LAMA1: variants seen among roughly 807,000 people sequenced by gnomAD.
The protein encoded by LAMA1 is laminin subunit alpha-1.
LAMA1 carries 219 observed loss-of-function variants against 348.7 expected under a neutral mutation model. The ratio of observed to expected loss-of-function variants is 0.63; its 90% CI spans 0.56 to 0.70. The LOEUF (loss-of-function observed/expected upper bound fraction) is 0.70, where lower values mean the gene tolerates loss of function less well. Ranked by LOEUF, LAMA1 falls within the 30% of genes least tolerant of loss-of-function variation. LAMA1 has a pLI of 0.00. For missense variants in LAMA1, 3,744 were observed against 3,888.0 expected, an observed-to-expected ratio of 0.96 and a Z score of 0.99; for synonymous variants, 1,487 against 1,491.0, an observed-to-expected ratio of 1.00 and a Z score of 0.06.
Position 7,034,541 on chromosome 18 carries a change from A to G in LAMA1, c.1989T>C (p.Leu663=), listed in dbSNP as rs2057985765. ...QIDRDQLMTV[L]ANVTHLLIRA... ...TGATCAAAAGATGTGTCACATTGGC[A>G]AGGACAGTCATCAGCTGGTCACGAT... Residue 663 remains leucine, a synonymous_variant, in exon 14 of 63, where the codon CTT becomes CTC. Coordinates refer to ENST00000389658, the MANE Select transcript of LAMA1 (RefSeq NM_005559.4). 1 of 1,614,154 alleles carries G rather than the reference A, an allele frequency of 6.2e-7. No homozygotes were observed. Among genetic ancestry groups the G allele is most frequent in the Non-Finnish European group, 8.5e-7 (1 of 1,180,034 alleles).
intron 30 of LAMA1, among the ~76,000 whole-genome samples, chr18:7,001,134 G>T (rs2057805825): frequency 6.6e-6 from 1 of 151,852 alleles, no homozygotes; most frequent in Non-Finnish European, 1.5e-5. Context: ...AATAGACGTG[G>T]ATATGAATTT....
chr18:7,015,797 G>T lies in LAMA1; in HGVS notation c.3051C>A (p.Pro1017=), dbSNP rs377710246. 1 of 1,614,092 alleles carries T rather than the reference G, an allele frequency of 6.2e-7. No individual in the cohort carries two copies. Among genetic ancestry groups the T allele is most frequent in the Non-Finnish European group, 8.5e-7 (1 of 1,179,994 alleles). The change falls in exon 22 of 63, where the codon CCC becomes CCA. Residue 1017 remains proline (P), a synonymous_variant. Transcript: ENST00000389658. ...CACACTTCACACCCTGTGTGTGAGGGGGGCAGACACACTCTCCAGTTTCTG... is the reference window on the plus strand; with the variant it reads ...CACACTTCACACCCTGTGTGTGAGGTGGGCAGACACACTCTCCAGTTTCTG... ...CDPETGECVC[P]PHTQGVKCEE...
At chr18:6,980,847 C>T (rs2057708270) in intron 41 of LAMA1, among the ~76,000 whole-genome samples, 1 of 152,148 alleles carries the variant, frequency 6.6e-6, no homozygotes, top group African/African-American at 2.4e-5. Flanking sequence ...GTAATCCCAG[C>T]ACTTTGGGAG....
chr18:7,057,133 G>T (rs577171522), intron 3 of LAMA1, among the ~76,000 whole-genome samples: 148 of 152,076 alleles, frequency 9.7e-4, no homozygotes, highest in African/African-American at 3.4e-3. Flanking sequence ...CAAACTGCTG[G>T]GATTAAAGAC....
chr18:6,981,819 G>GT (rs894819206), intron 41 of LAMA1, among the ~76,000 whole-genome samples: 7 of 152,076 alleles, frequency 4.6e-5, no homozygotes, highest in Admixed American at 4.6e-4. Context: ...AGAAATCTTG[G>GT]TATTTTTGAT....
At chr18:6,992,806 G>T in intron 35 of LAMA1, 86 bp from the exon 36 acceptor site, 1 of 1,168,074 alleles carries the variant, frequency 8.6e-7, no homozygotes, top group Non-Finnish European at 1.3e-6. Flanking sequence ...CTCTGCTGAG[G>T]ACTGCTCTGT....
In LAMA1 at chr18:6,956,935, A is replaced by G. The variant is rs922033957; in HGVS notation, c.7965-170T>C. 25 of 705,528 alleles carry G rather than the reference A, an allele frequency of 3.5e-5. No individual in the cohort carries two copies. In the African/African-American group the frequency reaches 4.1e-4, roughly 12 times the overall value. The allele number at this position is 705,528 out of a possible 1,614,324, so 43.7% of individuals were successfully genotyped here. ...CTGTGACTCAGAGTCCAAACATGCT[A>G]TCTTAATATTTCTTGTCTGAAGCTT... On this transcript the variant is annotated intron_variant, in intron 55 of 62. Transcript: ENST00000389658.
In LAMA1 at chr18:6,980,579, A is replaced by G. The variant is rs1467837425; in HGVS notation, c.5949T>C (p.Ala1983=). The G allele has an allele frequency of 6.2e-7, 1 of 1,613,674 alleles. No homozygotes were observed. The highest frequency in any genetic ancestry group is 8.5e-7 in the Non-Finnish European group (1 of 1,179,724). ...RNKTNRFQEN[A]VEITRQTNES... ...CATTGGTTTGCCTGGTAATTTCAAC[A>G]GCATTCTCTTGAAATCTGTTTGTCT... The change falls in exon 42 of 63, where the codon GCT becomes GCC. Residue 1983 remains alanine (A), a synonymous_variant. Transcript: ENST00000389658.
rs2058052861 is a variant in LAMA1, at chr18:7,049,090, A to G, written c.756T>C (p.Ile252=). 1 of 1,614,078 alleles carries G rather than the reference A, an allele frequency of 6.2e-7. No individual in the cohort carries two copies. The highest frequency in any genetic ancestry group is 8.5e-7 in the Non-Finnish European group (1 of 1,179,966). The change falls in exon 5 of 63, where the codon ATT becomes ATC. Residue 252 remains isoleucine (I), a synonymous_variant. Coordinates refer to ENST00000389658, the MANE Select transcript of LAMA1 (RefSeq NM_005559.4). The part of the protein sequence containing the change: ...SHREPKELDP[I]VTRRYYYSIK... Reference sequence around the variant, plus strand: ...GTCCCATACTCACGCGTCTGGTAACAATAGGATCCAGTTCTTTAGGTTCCC... The same window carrying G: ...GTCCCATACTCACGCGTCTGGTAACGATAGGATCCAGTTCTTTAGGTTCCC...
intron 1 of LAMA1, among the ~76,000 whole-genome samples, chr18:7,115,839 G>A (rs2058353966): frequency 2.6e-5 from 2 of 76,182 alleles, no homozygotes; most frequent in Admixed American, 1.6e-4. Flanking sequence ...AAAAATAGCC[G>A]GGCGTGGTGG....
In LAMA1 at chr18:7,029,252, G is replaced by A. The variant is rs1436670901; in HGVS notation, c.2274+2814C>T. Among the ~76,000 whole-genome samples the A allele has an allele frequency of 2.0e-5, 3 of 152,146 alleles. No individual in the cohort carries two copies. In the East Asian group the frequency reaches 5.8e-4, roughly 29 times the overall value. ...GCCTGAGTTTCTGCACTTCTAGCAAGCTCCCAGGTGATGCCCACACTGCTG... is the reference window on the plus strand; with the variant it reads ...GCCTGAGTTTCTGCACTTCTAGCAAACTCCCAGGTGATGCCCACACTGCTG... On this transcript the variant is annotated intron_variant, in intron 16 of 62. Coordinates refer to ENST00000389658, the MANE Select transcript of LAMA1 (RefSeq NM_005559.4).
rs773723431 is a variant in LAMA1 at position 7,032,960 on chromosome 18, AAGAC to A, written c.2163+20_2163+23del. 15 of 1,543,428 alleles carry A rather than the reference AAGAC, an allele frequency of 9.7e-6. No individual in the cohort carries two copies. In the East Asian group the frequency reaches 1.6e-4, roughly 17 times the overall value. Reference sequence around the variant, plus strand: ...CCCCTTAGGAAGGAACGAAAGGAAAAAGACAGGAAGAGAGAAGCGTCACCTCACA... The same window carrying A: ...CCCCTTAGGAAGGAACGAAAGGAAAAAGGAAGAGAGAAGCGTCACCTCACA... On this transcript the variant is annotated intron_variant, in intron 15 of 62. Coordinates refer to ENST00000389658, the MANE Select transcript of LAMA1 (RefSeq NM_005559.4).
intron 33 of LAMA1, among the ~76,000 whole-genome samples, chr18:6,995,869 A>G (rs1162309762): frequency 6.6e-6 from 1 of 152,222 alleles, no homozygotes; most frequent in East Asian, 1.9e-4. Context: ...TAAAGTGCTT[A>G]ATTTATGCCA....
intron 1 of LAMA1, among the ~76,000 whole-genome samples, chr18:7,104,528 G>T (rs549193837): frequency 4.7e-4 from 72 of 152,276 alleles, no homozygotes; most frequent in African/African-American, 1.6e-3. Flanking sequence ...CCGTCAGAGT[G>T]CCATAGGTGA....
intron 1 of LAMA1, among the ~76,000 whole-genome samples, chr18:7,095,249 A>T (rs1420272710): frequency 6.6e-6 from 1 of 151,926 alleles, no homozygotes. Context: ...GTGACGGAAA[A>T]TTTACTTTAT....
At chr18:7,034,818 ATGGTGTGTACAGCTCT>A in intron 13 of LAMA1, 128 bp from the exon 14 acceptor site, 1 of 771,284 alleles carries the variant, frequency 1.3e-6, no homozygotes, top group South Asian at 1.6e-5. Flanking sequence ...CAAACGTGTA[ATGGTGTGTACAGCTCT>A]TGGCCCAGAA....
At chr18:7,082,383 G>GA (rs930830788) in intron 1 of LAMA1, among the ~76,000 whole-genome samples, 21 of 150,532 alleles carry the variant, frequency 1.4e-4, no homozygotes, top group African/African-American at 4.6e-4. Context: ...TATAAAATAA[G>GA]AAAAAAAAAT....
intron 4 of LAMA1, 58 bp downstream of exon 4, chr18:7,050,636 T>C (rs2144201987): frequency 6.2e-7 from 1 of 1,611,574 alleles, no homozygotes; most frequent in African/African-American, 1.3e-5. Flanking sequence ...ATTTTGAGTC[T>C]GAGACAGGGA....
At chr18:6,960,067 T>C (rs572504193) in intron 53 of LAMA1, 2 of 169,118 alleles carry the variant, frequency 1.2e-5, no homozygotes, top group African/African-American at 4.8e-5. Flanking sequence ...AAGCACACTT[T>C]GATTTGAAGG....
Sources: allele counts gnomAD v4.1 joint callset (sites outside exome capture counted in the v4.1 genomes callset), GRCh38; gene constraint gnomAD v4.1.1; transcripts MANE v1.5; gene names NCBI Gene and HGNC (gene_info 2026-07-23, HGNC 2026-07-21).